CWF19L2: variants seen among roughly 807,000 people sequenced by gnomAD.
The protein encoded by CWF19L2 is CWF19 like cell cycle control factor 2.
CWF19L2 carries 98 observed loss-of-function variants against 111.7 expected under a neutral mutation model. The ratio of observed to expected loss-of-function variants is 0.88; its 90% CI spans 0.75 to 1.04. The LOEUF (loss-of-function observed/expected upper bound fraction) is 1.04. Among genes scored for constraint, CWF19L2 ranks in the 50% least tolerant of loss-of-function variants. CWF19L2 has a pLI of 0.00. For synonymous variants in CWF19L2, 351 were observed against 342.9 expected, an observed-to-expected ratio of 1.02 and a Z score of -0.26; for missense variants, 1,101 against 1,051.4, an observed-to-expected ratio of 1.05 and a Z score of -0.65.
In CWF19L2 at chr11:107,371,865, A is replaced by T. The variant is rs779815768; in HGVS notation, c.1873-18129T>A. Reference sequence around the variant, plus strand: ...AAAGCCAACAAAAAAGGACAACAAAAATAAGAGATGAAAGATGGTCCCCCC... The same window carrying T: ...AAAGCCAACAAAAAAGGACAACAAATATAAGAGATGAAAGATGGTCCCCCC... On this transcript the variant is annotated intron_variant, in intron 12 of 17. Transcript: ENST00000282251. Among the ~76,000 whole-genome samples, 7 of 137,024 alleles carry T rather than the reference A, an allele frequency of 5.1e-5. 1 individual carries two copies. The highest frequency in any genetic ancestry group is 1.1e-4 in the Non-Finnish European group (7 of 64,184). 89.9% of individuals were successfully genotyped at this position (137,024 alleles called of 152,430 possible).
At chr11:107,396,962 T>C (rs898183903) in intron 10 of CWF19L2, among the ~76,000 whole-genome samples, 2 of 152,054 alleles carry the variant, frequency 1.3e-5, no homozygotes, top group Non-Finnish European at 2.9e-5. Context: ...TGAGTCAAGT[T>C]AGGGGGCCAA....
intron 8 of CWF19L2, among the ~76,000 whole-genome samples, chr11:107,419,658 G>T (rs1177138757): frequency 6.6e-6 from 1 of 152,112 alleles, no homozygotes; most frequent in Non-Finnish European, 1.5e-5. Context: ...AAACTACAAT[G>T]TGTGAGATAA....
intron 14 of CWF19L2, among the ~76,000 whole-genome samples, chr11:107,341,669 T>C (rs79966074): frequency 0.013 from 1,977 of 152,146 alleles, 25 homozygotes; most frequent in South Asian, 0.039. Flanking sequence ...AAAATTGGTG[T>C]CAATTCTTTA....
At chr11:107,455,799 G>C (rs1480923828) in intron 1 of CWF19L2, 23 bp from the exon 2 acceptor site, 2 of 1,392,674 alleles carry the variant, frequency 1.4e-6, no homozygotes, top group African/African-American at 2.9e-5. Flanking sequence ...AAAAAAAAAA[G>C]ACAAACTGGC....
chr11:107,439,426 A>G (rs1033862324), intron 5 of CWF19L2, among the ~76,000 whole-genome samples: 1 of 152,220 alleles, frequency 6.6e-6, no homozygotes, highest in African/African-American at 2.4e-5. Context: ...ACTGTCAAAA[A>G]TCCTGGTCAG....
Position 107,455,646 on chromosome 11 carries a change from G to C in CWF19L2, c.216+20C>G, listed in dbSNP as rs752877164. 1 of 1,392,064 alleles carries C rather than the reference G, an allele frequency of 7.2e-7. No homozygotes were observed. The highest frequency in any genetic ancestry group is 1.3e-5 in the South Asian group (1 of 75,938). The allele number at this position is 1,392,064 out of a possible 1,614,324, so 86.2% of individuals were successfully genotyped here. A position where few individuals can be genotyped will look rare whatever the true frequency, so the allele number is the denominator to read the frequency against. On this transcript the variant is annotated intron_variant, in intron 2 of 17. Coordinates refer to ENST00000282251, the MANE Select transcript of CWF19L2 (RefSeq NM_152434.3). The stretch of plus-strand genomic sequence containing the variant: ...AAAAGGACAGATATCCTTACATCAC[G>C]TAAACCTGTTAGTATTCACCTGTGA...
chr11:107,404,314 C>A, intron 10 of CWF19L2: 2 of 787,760 alleles, frequency 2.5e-6, no homozygotes, highest in Non-Finnish European at 4.7e-6. Context: ...TCTCCCACAA[C>A]TTTAGGTCAG....
intron 16 of CWF19L2, among the ~76,000 whole-genome samples, chr11:107,334,087 T>G (rs1170244543): frequency 1.3e-5 from 2 of 152,166 alleles, no homozygotes; most frequent in Non-Finnish European, 2.9e-5. Context: ...ACCCCAGCAC[T>G]AGACTATAAT....
intron 14 of CWF19L2, among the ~76,000 whole-genome samples, chr11:107,341,378 G>C (rs1860002712): frequency 6.6e-6 from 1 of 152,124 alleles, no homozygotes; most frequent in Admixed American, 6.5e-5. Flanking sequence ...ATATGAACAT[G>C]GTGGATTATA....
At chr11:107,344,149 G>T (rs1306610096) in intron 14 of CWF19L2, among the ~76,000 whole-genome samples, 1 of 152,152 alleles carries the variant, frequency 6.6e-6, no homozygotes, top group Non-Finnish European at 1.5e-5. Flanking sequence ...GGAGGCAGAG[G>T]TTGCAGTGAG....
At chr11:107,452,918 A>C (rs1313863238) in intron 3 of CWF19L2, among the ~76,000 whole-genome samples, 2 of 152,224 alleles carry the variant, frequency 1.3e-5, no homozygotes, top group Non-Finnish European at 2.9e-5. Flanking sequence ...TTGAGGCTGC[A>C]ATGAGCCATG....
At chr11:107,391,458 A>G (rs972218727) in intron 11 of CWF19L2, among the ~76,000 whole-genome samples, 25 of 152,194 alleles carry the variant, frequency 1.6e-4, no homozygotes, top group African/African-American at 5.5e-4. Context: ...ATAAATTTCT[A>G]TTGTTTAAGC....
At chr11:107,331,648 C>A (rs564829574) in intron 16 of CWF19L2, among the ~76,000 whole-genome samples, 119 of 152,304 alleles carry the variant, frequency 7.8e-4, no homozygotes, top group Non-Finnish European at 1.5e-3. Context: ...CTTGCGATCA[C>A]CAGATTTTTG....
At chr11:107,438,210 C>A (rs1243421987) in intron 6 of CWF19L2, among the ~76,000 whole-genome samples, 1 of 152,152 alleles carries the variant, frequency 6.6e-6, no homozygotes, top group African/African-American at 2.4e-5. Flanking sequence ...GAGAACATCA[C>A]AATTTGTAAT....
At position 107,373,739 on chromosome 11, in the gene CWF19L2, C is replaced by A. The variant is rs539916805; in HGVS notation, c.1872+16335G>T. 3.4e-4 allele frequency among the ~76,000 whole-genome samples: 46 copies of A among 133,764 alleles called. 3 individuals are homozygous for A. The highest frequency in any genetic ancestry group is 5.8e-4 in the Admixed American group (8 of 13,708). The allele number at this position is 133,764 out of a possible 152,430, so 87.8% of individuals were successfully genotyped here. Reference sequence around the variant, plus strand: ...TCTCCTCCTCCAAAGGAACGCAGTTCCTCACCAGCAACGGAACAAAGCTGG... The same window carrying A: ...TCTCCTCCTCCAAAGGAACGCAGTTACTCACCAGCAACGGAACAAAGCTGG... On this transcript the variant is annotated intron_variant, in intron 12 of 17. Transcript: ENST00000282251.
intron 10 of CWF19L2, among the ~76,000 whole-genome samples, chr11:107,411,361 CTTTT>C (rs931948346): frequency 1.3e-5 from 2 of 151,962 alleles, no homozygotes; most frequent in African/African-American, 2.4e-5. Context: ...GCTCTGCAAC[CTTTT>C]TTGATATAAA....
chr11:107,354,762 G>C (rs1209582332), intron 12 of CWF19L2, among the ~76,000 whole-genome samples: 1 of 152,162 alleles, frequency 6.6e-6, no homozygotes, highest in Non-Finnish European at 1.5e-5. Context: ...ATTTATACCT[G>C]CTGCATTGGC....
intron 12 of CWF19L2, among the ~76,000 whole-genome samples, chr11:107,373,328 A>T (rs191370334): frequency 0.012 from 1,577 of 130,278 alleles, 249 homozygotes; most frequent in Non-Finnish European, 0.015. Context: ...GGGCACAGAC[A>T]AACAAAAAGA....
chr11:107,405,851 AAGAAG>A (rs1323193238), intron 10 of CWF19L2, among the ~76,000 whole-genome samples: 3 of 13,704 alleles, frequency 2.2e-4, no homozygotes, highest in Admixed American at 7.4e-4. Context: ...AAAAAAAAAA[AAGAAG>A]AAGAAGAAGA....
Sources: gnomAD v4.1 joint callset for allele counts (sites outside exome capture counted in the v4.1 genomes callset) on GRCh38, gnomAD v4.1.1 for gene constraint, MANE v1.5 for transcripts, NCBI Gene and HGNC (gene_info 2026-07-23, HGNC 2026-07-21) for gene names.